The following ATP8A2 variants were observed in gnomAD, a reference collection of about 807,000 sequenced individuals.
ATP8A2 encodes ATPase phospholipid transporting 8A2.
A neutral mutation model predicts 165.6 loss-of-function variants in ATP8A2; 100 were observed. That is an observed-to-expected ratio of 0.60 (90% CI 0.51 to 0.71). The LOEUF (loss-of-function observed/expected upper bound fraction) is 0.71. ATP8A2 is among the 30% of genes least tolerant of loss of function. ATP8A2 has a pLI of 0.00. For missense variants in ATP8A2, 1,227 were observed against 1,479.5 expected (o/e 0.83, Z 2.80); for synonymous variants, 543 against 548.8 (o/e 0.99, Z 0.15).
chr13:25,732,769 A>T (rs9511902), intron 25 of ATP8A2, among the ~76,000 whole-genome samples: 51,750 of 152,030 alleles, frequency 0.34, 9,539 homozygotes, highest in East Asian at 0.43. Context: ...TATATAATTT[A>T]TCCCAGTAAA....
chr13:25,908,951 A>G (rs1954029110), intron 33 of ATP8A2, among the ~76,000 whole-genome samples: 1 of 152,194 alleles, frequency 6.6e-6, no homozygotes, highest in African/African-American at 2.4e-5. Context: ...GGAGCAAACA[A>G]CCTTAAGGAA....
intron 20 of ATP8A2, among the ~76,000 whole-genome samples, chr13:25,578,234 TG>T (rs1437547779): frequency 6.6e-6 from 1 of 152,192 alleles, no homozygotes; most frequent in Non-Finnish European, 1.5e-5. Flanking sequence ...AAAAAATTTT[TG>T]TAATAGCCTA....
intron 2 of ATP8A2, among the ~76,000 whole-genome samples, chr13:25,471,509 A>G (rs1188399064): frequency 1.3e-5 from 2 of 151,972 alleles, no homozygotes; most frequent in Admixed American, 6.6e-5. Flanking sequence ...TGCCCAGCTA[A>G]TTTTTGTATT....
chr13:25,858,248 T>C (rs1257523028), intron 30 of ATP8A2, among the ~76,000 whole-genome samples: 1 of 152,210 alleles, frequency 6.6e-6, no homozygotes, highest in Non-Finnish European at 1.5e-5. Context: ...TACATCAGCA[T>C]GTTGCCTTCT....
At chr13:25,660,864 C>T (rs2042035621) in intron 24 of ATP8A2, among the ~76,000 whole-genome samples, 1 of 152,088 alleles carries the variant, frequency 6.6e-6, no homozygotes, top group Non-Finnish European at 1.5e-5. Context: ...GGACTCTTTC[C>T]TGTTTGGCTT....
chr13:25,532,590 G>A (rs1453278857), intron 5 of ATP8A2, among the ~76,000 whole-genome samples: 4 of 152,072 alleles, frequency 2.6e-5, no homozygotes, highest in African/African-American at 7.2e-5. Context: ...AAGCATTCAT[G>A]TCCTTCATTT....
At chr13:25,423,933 G>A (rs887534792) in intron 1 of ATP8A2, among the ~76,000 whole-genome samples, 11 of 152,198 alleles carry the variant, frequency 7.2e-5, no homozygotes, top group Non-Finnish European at 1.5e-4. Flanking sequence ...CACTGACAGC[G>A]TGGGCAAAGT....
At chr13:25,634,877 T>A (rs925928035) in intron 24 of ATP8A2, among the ~76,000 whole-genome samples, 2 of 152,190 alleles carry the variant, frequency 1.3e-5, no homozygotes, top group African/African-American at 2.4e-5. Context: ...TTATGGACAC[T>A]TACCATAGTG....
intron 27 of ATP8A2, among the ~76,000 whole-genome samples, chr13:25,781,557 T>G (rs987586465): frequency 6.6e-6 from 1 of 152,014 alleles, no homozygotes. Context: ...AGTGCAGTGT[T>G]GGCTCACTGC....
At chr13:25,808,379 A>G (rs1411651006) in intron 27 of ATP8A2, among the ~76,000 whole-genome samples, 1 of 151,986 alleles carries the variant, frequency 6.6e-6, no homozygotes. Flanking sequence ...AAGGCAGATC[A>G]CTTGAGGTCA....
chr13:25,764,786 T>G (rs1368214333), intron 25 of ATP8A2, among the ~76,000 whole-genome samples: 3 of 152,240 alleles, frequency 2.0e-5, no homozygotes, highest in Non-Finnish European at 2.9e-5. Flanking sequence ...TTAATTAATA[T>G]GTGTTTTGGG....
chr13:25,637,130 A>G (rs1017051983), intron 24 of ATP8A2, among the ~76,000 whole-genome samples: 4 of 151,746 alleles, frequency 2.6e-5, no homozygotes, highest in Middle Eastern at 3.4e-3. Flanking sequence ...AAGATTAAAA[A>G]CAAATGGCTG....
At chr13:25,648,651 A>T (rs1254183060) in intron 24 of ATP8A2, among the ~76,000 whole-genome samples, 4 of 152,198 alleles carry the variant, frequency 2.6e-5, no homozygotes, top group African/African-American at 9.7e-5. Flanking sequence ...CAACAGAGTG[A>T]TATTCCATCT....
intron 33 of ATP8A2, among the ~76,000 whole-genome samples, chr13:25,938,980 T>C (rs745457816): frequency 3.9e-5 from 6 of 152,070 alleles, no homozygotes; most frequent in African/African-American, 9.7e-5. Context: ...GTAGCTGGGA[T>C]TGCAGGCACG....
intron 27 of ATP8A2, among the ~76,000 whole-genome samples, chr13:25,818,375 T>C (rs1351541288): frequency 6.6e-6 from 1 of 152,210 alleles, no homozygotes; most frequent in East Asian, 1.9e-4. Flanking sequence ...AATAAGTTAG[T>C]AGCCATAAAT....
intron 1 of ATP8A2, among the ~76,000 whole-genome samples, chr13:25,450,476 G>A (rs143840776): frequency 1.3e-5 from 2 of 151,952 alleles, no homozygotes; most frequent in Non-Finnish European, 2.9e-5. Context: ...CCACAACTTC[G>A]CAAGGATCTG....
At chr13:25,964,666 G>A (rs61947400) in intron 34 of ATP8A2, among the ~76,000 whole-genome samples, 7,803 of 152,254 alleles carry the variant, frequency 0.051, 227 homozygotes, top group East Asian at 0.11. Flanking sequence ...CGATATCTGT[G>A]ATGCACCTTG....
chr13:25,664,962 A>G (rs1481516463), intron 24 of ATP8A2, among the ~76,000 whole-genome samples: 1 of 152,092 alleles, frequency 6.6e-6, no homozygotes, highest in Non-Finnish European at 1.5e-5. Flanking sequence ...AGAATGTTAT[A>G]GAATTAAGAA....
intron 33 of ATP8A2, 64 bp downstream of exon 33, chr13:25,862,472 G>A (rs1044936184): frequency 1.3e-5 from 16 of 1,257,928 alleles, no homozygotes; most frequent in African/African-American, 7.4e-5. Flanking sequence ...CTCCATGGGC[G>A]GGTGAGCAGG....
Sources: allele counts gnomAD v4.1 joint callset (sites outside exome capture counted in the v4.1 genomes callset), GRCh38; gene constraint gnomAD v4.1.1; transcripts MANE v1.5; gene names NCBI Gene and HGNC (gene_info 2026-07-23, HGNC 2026-07-21).